POLG2: variants seen among roughly 807,000 people sequenced by gnomAD.
The protein encoded by POLG2 is DNA polymerase subunit gamma-2.
A neutral mutation model predicts 56.5 loss-of-function variants in POLG2; 50 were observed. The observed-to-expected ratio is 0.88, with a 90% CI of 0.71 to 1.12. The LOEUF is 1.12. Ranked by LOEUF, POLG2 falls within the 50% of genes most tolerant of loss-of-function variation. The probability of loss-of-function intolerance (pLI) is 0.00; values close to 1 mark genes in which losing one functional copy is unlikely to be tolerated. For synonymous variants in POLG2, 226 were observed against 222.6 expected (o/e 1.02, Z -0.14); for missense variants, 584 against 583.3 (o/e 1.00, Z -0.01).
At chr17:64,484,139 A>T (rs2037911676) in intron 5 of POLG2, 1 of 152,262 alleles carries the variant, frequency 6.6e-6, no homozygotes, top group African/African-American at 2.4e-5. Flanking sequence ...AATAAAAATA[A>T]GTAAATAATA....
Position 64,477,855 on chromosome 17 carries a change from T to A in POLG2, c.1426A>T (p.Ile476Phe). 9 of 1,609,210 alleles carry A rather than the reference T, an allele frequency of 5.6e-6. No homozygotes were observed. The highest frequency in any genetic ancestry group is 7.6e-6 in the Non-Finnish European group (9 of 1,178,162). ...TTCTTAGCTGATGATATATACTTAA[T>A]CAAAAAGTCTTTTAATTTGGATATA... ...MHISKLKDFL[I>F]KYISSAKNV Residue 476 changes from isoleucine to phenylalanine, a missense_variant, in exon 8 of 8, where the codon ATT becomes TTT. Physicochemically the swap from Ile to Phe is conservative, Grantham distance 21. Coordinates refer to ENST00000539111, the MANE Select transcript of POLG2 (RefSeq NM_007215.4).
intron 5 of POLG2, chr17:64,485,055 C>T (rs2037927691): frequency 6.6e-6 from 1 of 152,208 alleles, no homozygotes; most frequent in South Asian, 2.1e-4. Flanking sequence ...GCCCAGTAGC[C>T]TTTTTATATC....
At chr17:64,494,993 G>GA (rs1348206227) in intron 1 of POLG2, among the ~76,000 whole-genome samples, 1 of 151,928 alleles carries the variant, frequency 6.6e-6, no homozygotes, top group African/African-American at 2.4e-5. Context: ...CTAACAAGGT[G>GA]AAACCCCGTC....
chr17:64,490,222 C>T (rs935110207), intron 4 of POLG2, among the ~76,000 whole-genome samples: 6 of 152,000 alleles, frequency 3.9e-5, no homozygotes, highest in East Asian at 1.9e-4. Flanking sequence ...TGCGCCTGGC[C>T]GTTAATTAAT....
At chr17:64,489,033 T>C (rs1489900681) in intron 4 of POLG2, among the ~76,000 whole-genome samples, 7 of 149,166 alleles carry the variant, frequency 4.7e-5, no homozygotes, top group Non-Finnish European at 1.1e-4. Flanking sequence ...TTTTTCTTTT[T>C]TTTTTTTTTT....
At chr17:64,485,682 C>A (rs781980666) in intron 5 of POLG2, 46 bp downstream of exon 5, 1 of 1,471,708 alleles carries the variant, frequency 6.8e-7, no homozygotes, top group Non-Finnish European at 9.5e-7. Context: ...ACAAACAAAC[C>A]CATATTTTTA....
chr17:64,494,784 TTTTA>T (rs2038121682), intron 1 of POLG2, among the ~76,000 whole-genome samples: 1 of 152,158 alleles, frequency 6.6e-6, no homozygotes, highest in East Asian at 1.9e-4. Context: ...ATTCTTTGCT[TTTTA>T]GCACCATAAA....
At chr17:64,484,338 A>G (rs1555667076) in intron 5 of POLG2, 1 of 152,354 alleles carries the variant, frequency 6.6e-6, no homozygotes, top group African/African-American at 2.4e-5. Flanking sequence ...ACTCTAGGCA[A>G]TGGGGAATAC....
chr17:64,494,584 G>A (rs1038569862), intron 1 of POLG2, among the ~76,000 whole-genome samples: 3 of 150,632 alleles, frequency 2.0e-5, no homozygotes, highest in Admixed American at 6.6e-5. Context: ...TCTTCCCCCC[G>A]CCCCCGACCT....
At chr17:64,480,986 T>C (rs574357024) in intron 6 of POLG2, among the ~76,000 whole-genome samples, 91 of 152,328 alleles carry the variant, frequency 6.0e-4, no homozygotes, top group African/African-American at 1.8e-3. Context: ...CTGTTTTCTT[T>C]ACAAGCAATA....
At chr17:64,494,287 G>C (rs1555669083) in intron 1 of POLG2, among the ~76,000 whole-genome samples, 1 of 152,088 alleles carries the variant, frequency 6.6e-6, no homozygotes, top group Non-Finnish European at 1.5e-5. Context: ...ATACTACATA[G>C]TAGATGTGTG....
chr17:64,477,989 C>G lies in POLG2; in HGVS notation c.1293-1G>C. ...GAAGAGAATACTCATTTCATCATAC[C>G]TAAGAAAAAAGTAGTTAAACAGACA... On this transcript the variant is annotated splice_acceptor_variant, in intron 7 of 7. Transcript: ENST00000539111. LOFTEE classifies it high-confidence loss of function. 6.2e-7 allele frequency: 1 copy of G among 1,613,280 alleles called. No individual in the cohort carries two copies. The highest frequency in any genetic ancestry group is 8.5e-7 in the Non-Finnish European group (1 of 1,179,588).
At chr17:64,480,199 T>A in intron 7 of POLG2, 90 bp downstream of exon 7, 1 of 351,530 alleles carries the variant, frequency 2.8e-6, no homozygotes, top group East Asian at 6.1e-5. Context: ...ATTTTATATA[T>A]AAATTTAGAA....
intron 4 of POLG2, chr17:64,487,431 T>TTTTTAGTAGA (rs2037977158): frequency 6.6e-6 from 1 of 151,960 alleles, no homozygotes; most frequent in Non-Finnish European, 1.5e-5. Flanking sequence ...CTGGCCAACA[T>TTTTTAGTAGA]GGTAAAACCC....
chr17:64,492,586 T>C lies in POLG2; in HGVS notation c.795+81A>G, dbSNP rs2144197720. On this transcript the variant is annotated intron_variant, in intron 3 of 7. Transcript: ENST00000539111. ...AGCTACATACATCAAATATAATTTCTTGTATGTCAGAAGAATTACCACTGA... is the reference window on the plus strand; with the variant it reads ...AGCTACATACATCAAATATAATTTCCTGTATGTCAGAAGAATTACCACTGA... The C allele has an allele frequency of 5.2e-6, 4 of 774,628 alleles. No individual in the cohort carries two copies. The South Asian group carries it at 5.9e-5, about 11-fold the overall frequency. 48.0% of individuals were successfully genotyped at this position (774,628 alleles called of 1,614,324 possible).
chr17:64,483,128 G>C (rs1425200879), intron 5 of POLG2, 129 bp from the exon 6 acceptor site: 3 of 579,694 alleles, frequency 5.2e-6, no homozygotes, highest in Non-Finnish European at 9.4e-6. Flanking sequence ...AATTTTCTGT[G>C]TGAAAACAGA....
chr17:64,492,222 C>T (rs993338401), intron 3 of POLG2, among the ~76,000 whole-genome samples: 5 of 152,080 alleles, frequency 3.3e-5, no homozygotes, highest in South Asian at 2.1e-4. Flanking sequence ...ATGTTTGAGT[C>T]GGGAAATGGT....
In POLG2 at chr17:64,490,347, A is replaced by G. The variant is rs149763939; in HGVS notation, c.969+449T>C. On this transcript the variant is annotated intron_variant, in intron 4 of 7. Coordinates refer to ENST00000539111, the MANE Select transcript of POLG2 (RefSeq NM_007215.4). Reference sequence around the variant, plus strand: ...TCCTCATATGACACACTGAGAAGAGAGCTTCTCAGTACTACCACTTCTGTA... The same window carrying G: ...TCCTCATATGACACACTGAGAAGAGGGCTTCTCAGTACTACCACTTCTGTA... 5.1e-3 allele frequency: 945 copies of G among 184,868 alleles called. 14 individuals carry two copies. Among genetic ancestry groups the G allele is most frequent in the Non-Finnish European group, 3.6e-3 (315 of 87,438 alleles). 11.5% of individuals were successfully genotyped at this position (184,868 alleles called of 1,614,324 possible). A position where few individuals can be genotyped will look rare whatever the true frequency, so the allele number is the denominator to read the frequency against.
At position 64,491,520 on chromosome 17, in the gene POLG2, A is replaced by G. The variant is rs1040509639; in HGVS notation, c.796-551T>C. On this transcript the variant is annotated intron_variant, in intron 3 of 7. Coordinates refer to ENST00000539111, the MANE Select transcript of POLG2 (RefSeq NM_007215.4). The stretch of plus-strand genomic sequence containing the variant: ...GTGAGACTATGTCTCTAAAAAAACC[A>G]AGATGGAGTCAGTTGTACCAGTGAA... The G allele has an allele frequency of 1.0e-5, 16 of 1,525,640 alleles. No homozygotes were observed. The Admixed American group carries it at 2.7e-4, about 26-fold the overall frequency. 94.5% of individuals were successfully genotyped at this position (1,525,640 alleles called of 1,614,324 possible). A position where few individuals can be genotyped will look rare whatever the true frequency, so the allele number is the denominator to read the frequency against.
Sources: allele counts gnomAD v4.1 joint callset (sites outside exome capture counted in the v4.1 genomes callset), GRCh38; gene constraint gnomAD v4.1.1; transcripts MANE v1.5; gene names NCBI Gene and HGNC (gene_info 2026-07-23, HGNC 2026-07-21).